Variants in DCP2 observed in about 807,000 individuals in gnomAD.
The protein encoded by DCP2 is m7GpppN-mRNA hydrolase.
A neutral mutation model predicts 56.1 loss-of-function variants in DCP2; 30 were observed. The ratio of observed to expected loss-of-function variants is 0.53; its 90% CI spans 0.40 to 0.73. The LOEUF (loss-of-function observed/expected upper bound fraction) is 0.73, where lower values mean the gene tolerates loss of function less well. DCP2 is among the 30% of genes least tolerant of loss of function. DCP2 has a pLI of 0.00. For synonymous variants in DCP2, 197 were observed against 163.3 expected (o/e 1.21, Z -1.57); for missense variants, 533 against 502.7 (o/e 1.06, Z -0.58).
intron 8 of DCP2, among the ~76,000 whole-genome samples, chr5:113,005,946 A>G (rs909445602): frequency 6.6e-6 from 1 of 152,040 alleles, no homozygotes; most frequent in Non-Finnish European, 1.5e-5. Flanking sequence ...CCACCTGGGC[A>G]GCATGTCTCT....
intron 1 of DCP2, among the ~76,000 whole-genome samples, chr5:112,983,762 G>A (rs1418409451): frequency 1.3e-5 from 2 of 151,996 alleles, no homozygotes; most frequent in Non-Finnish European, 2.9e-5. Context: ...GCACAAATTA[G>A]AAGTAAAAAG....
intron 8 of DCP2, among the ~76,000 whole-genome samples, chr5:113,006,256 CAT>C (rs1364910973): frequency 6.6e-6 from 1 of 151,852 alleles, no homozygotes; most frequent in Non-Finnish European, 1.5e-5. Context: ...TAGGCAAATT[CAT>C]AGAGACACAA....
chr5:112,987,620 CTTTTTTTTT>C (rs562254738), intron 2 of DCP2, among the ~76,000 whole-genome samples: 51 of 69,730 alleles, frequency 7.3e-4, no homozygotes, highest in Middle Eastern at 0.016. Context: ...ACCTAGGTGC[CTTTTTTTTT>C]TTTTTTTTTT....
Position 113,010,823 on chromosome 5 carries a change from T to A in DCP2, c.1099+16T>A. 6.3e-7 allele frequency: 1 copy of A among 1,597,642 alleles called. No homozygotes were observed. The highest frequency in any genetic ancestry group is 8.5e-7 in the Non-Finnish European group (1 of 1,175,754). On this transcript the variant is annotated intron_variant, in intron 10 of 10. Transcript: ENST00000389063. ...TTTGAAACAGGCAAGTCATTTCCTA[T>A]CTTTTTATAATCTCTGCCTTGTGGG... is the stretch of plus-strand genomic sequence containing the variant.
chr5:113,001,494 A>T, intron 6 of DCP2, 25 bp downstream of exon 6: 1 of 1,609,900 alleles, frequency 6.2e-7, no homozygotes, highest in Middle Eastern at 1.7e-4. Flanking sequence ...CTTGAAATGT[A>T]ACTTTCATGA....
intron 2 of DCP2, among the ~76,000 whole-genome samples, chr5:112,988,640 AATG>A (rs2150173383): frequency 6.6e-6 from 1 of 152,334 alleles, no homozygotes; most frequent in Admixed American, 6.5e-5. Context: ...CAAAGGAAGA[AATG>A]ATCAAACCGT....
intron 2 of DCP2, among the ~76,000 whole-genome samples, chr5:112,987,053 C>T (rs1451756083): frequency 6.6e-6 from 1 of 152,110 alleles, no homozygotes; most frequent in African/African-American, 2.4e-5. Context: ...TCCCCATGTA[C>T]ATATCAGGCA....
chr5:112,977,352 C>T (rs772716800), intron 1 of DCP2, among the ~76,000 whole-genome samples: 1 of 152,194 alleles, frequency 6.6e-6, no homozygotes, highest in Non-Finnish European at 1.5e-5. Flanking sequence ...GACTTTTCCA[C>T]GCCGTGCACC....
In DCP2 at chr5:112,992,160, A is replaced by T. The variant is rs762424806; in HGVS notation, c.245A>T (p.Asp82Val). 8 of 1,613,960 alleles carry T rather than the reference A, an allele frequency of 5.0e-6. No homozygotes were observed. In the African/African-American group the frequency reaches 9.3e-5, roughly 19 times the overall value. The change falls in exon 3 of 11, where the codon GAT (aspartate) becomes GTT (valine). Residue 82 changes from aspartate (D) to valine (V), a missense_variant. Asp to Val is a radical substitution (Grantham distance 152). Transcript: ENST00000389063. The part of the protein sequence containing the change: ...HCPFLLPQGE[D>V]VEKVLDEWKE... The stretch of plus-strand genomic sequence containing the variant: ...CCGTTTTTGCTGCCTCAAGGTGAAG[A>T]TGTGGAAAAAGTTTTGGATGAATGG...
rs559600984 is a variant in DCP2 at position 113,012,779 on chromosome 5, G to A, written c.1100-542G>A. Among the ~76,000 whole-genome samples the A allele has an allele frequency of 1.4e-3, 220 of 152,152 alleles. 2 individuals carry two copies. The highest frequency in any genetic ancestry group is 2.2e-3 in the Non-Finnish European group (150 of 68,030). ...CTGCCTCAGCCTTCTGAGTAGCTGG[G>A]ATTACAGGCGTGTGCCACCATGCCT... On this transcript the variant is annotated intron_variant, in intron 10 of 10. Transcript: ENST00000389063.
intron 2 of DCP2, among the ~76,000 whole-genome samples, chr5:112,990,094 T>C (rs1748511244): frequency 2.0e-5 from 3 of 152,222 alleles, no homozygotes; most frequent in Admixed American, 2.0e-4. Flanking sequence ...AATCGTTTAC[T>C]TGGCCATCTC....
intron 4 of DCP2, among the ~76,000 whole-genome samples, chr5:113,000,627 G>A (rs1359678928): frequency 6.6e-6 from 1 of 152,096 alleles, no homozygotes; most frequent in Non-Finnish European, 1.5e-5. Context: ...AGTTTCGAAG[G>A]AAAGGAAAAC....
chr5:112,991,990 C>T (rs1748615190), intron 2 of DCP2, 131 bp from the exon 3 acceptor site: 2 of 1,357,618 alleles, frequency 1.5e-6, no homozygotes, highest in African/African-American at 3.0e-5. Flanking sequence ...GGCCAAAATG[C>T]TACACTTAAA....
chr5:112,989,198 C>G (rs183775319), intron 2 of DCP2, among the ~76,000 whole-genome samples: 128 of 152,174 alleles, frequency 8.4e-4, no homozygotes, highest in African/African-American at 2.3e-3. Context: ...AGAGGGATAC[C>G]CACTTACGAT....
chr5:112,992,054 C>T, intron 2 of DCP2, 67 bp from the exon 3 acceptor site: 1 of 1,565,438 alleles, frequency 6.4e-7, no homozygotes, highest in Non-Finnish European at 8.7e-7. Flanking sequence ...TTAAATGGGT[C>T]TCTTTCTGTA....
At chr5:112,987,009 A>T (rs776667019) in intron 2 of DCP2, among the ~76,000 whole-genome samples, 1 of 152,144 alleles carries the variant, frequency 6.6e-6, no homozygotes, top group African/African-American at 2.4e-5. Flanking sequence ...TCTCAAAGAG[A>T]AAAAAGTCAT....
chr5:112,983,273 C>T (rs141203865), intron 1 of DCP2, among the ~76,000 whole-genome samples: 2 of 152,264 alleles, frequency 1.3e-5, no homozygotes, highest in East Asian at 1.9e-4. Flanking sequence ...GAATAATTCC[C>T]CTCCCCTTCC....
chr5:113,001,714 T>C (rs776103405), intron 7 of DCP2, 40 bp downstream of exon 7: 3 of 1,556,394 alleles, frequency 1.9e-6, no homozygotes, highest in African/African-American at 2.7e-5. Flanking sequence ...TTTCTAATAG[T>C]TTTTAAAAGT....
rs1749174257 is a variant in DCP2, at chr5:113,001,477, C to G, written c.698+8C>G. ...GGCCATTCCCTTTATCAGGTGTGTT[C>G]ATATTTCTTGAAATGTAACTTTCAT... On this transcript the variant is annotated splice_region_variant and intron_variant, in intron 6 of 10. Coordinates refer to ENST00000389063, the MANE Select transcript of DCP2 (RefSeq NM_152624.6). 1 of 1,610,914 alleles carries G rather than the reference C, an allele frequency of 6.2e-7. No individual in the cohort carries two copies. Among genetic ancestry groups the G allele is most frequent in the Middle Eastern group, 1.7e-4 (1 of 6,058 alleles).
Sources: gnomAD v4.1 joint callset for allele counts (sites outside exome capture counted in the v4.1 genomes callset) on GRCh38, gnomAD v4.1.1 for gene constraint, MANE v1.5 for transcripts, NCBI Gene and HGNC (gene_info 2026-07-23, HGNC 2026-07-21) for gene names.